ST6GAL1: variants seen among roughly 807,000 people sequenced by gnomAD.
ST6GAL1 encodes ST6 beta-galactoside alpha-2,6-sialyltransferase 1, also known as beta-galactoside alpha-2,6-sialyltransferase 1.
ST6GAL1 carries 20 observed loss-of-function variants against 38.0 expected under a neutral mutation model. That is an observed-to-expected ratio of 0.53 (90% CI 0.37 to 0.77). ST6GAL1 has a LOEUF of 0.77. ST6GAL1 is among the 30% of genes least tolerant of loss of function. The probability of loss-of-function intolerance (pLI) is 0.00; values close to 1 mark genes in which losing one functional copy is unlikely to be tolerated. For missense variants in ST6GAL1, 432 were observed against 496.4 expected (o/e 0.87, Z 1.23); for synonymous variants, 196 against 188.2 (o/e 1.04, Z -0.34).
intron 5 of ST6GAL1, among the ~76,000 whole-genome samples, chr3:187,055,239 CA>C (rs57686263): frequency 0.48 from 70,514 of 145,412 alleles, 17,688 homozygotes; most frequent in African/African-American, 0.66. Flanking sequence ...TTGATCTTTT[CA>C]AAAAAAAAAA....
intron 2 of ST6GAL1, among the ~76,000 whole-genome samples, chr3:186,981,612 T>A (rs1715701587): frequency 6.6e-6 from 1 of 152,232 alleles, no homozygotes; most frequent in Non-Finnish European, 1.5e-5. Context: ...TCTTGTTATC[T>A]CTTATTAGCA....
rs188898319 is a variant in ST6GAL1 at position 187,067,243 on chromosome 3, C to T, written c.706-5606C>T. ...CTGAGATTTCAGGTGCCCGCCACCA[C>T]GCCTGGCTAATTTTTGTATTTTTAG... On this transcript the variant is annotated intron_variant, in intron 5 of 7. Coordinates refer to ENST00000169298, the MANE Select transcript of ST6GAL1 (RefSeq NM_173216.2). Among the ~76,000 whole-genome samples the T allele has an allele frequency of 3.1e-3, 470 of 151,530 alleles. 1 individual carries two copies. Among genetic ancestry groups the T allele is most frequent in the African/African-American group, 0.01 (414 of 41,342 alleles).
At chr3:186,993,155 G>A (rs183721767) in intron 2 of ST6GAL1, among the ~76,000 whole-genome samples, 158 of 152,302 alleles carry the variant, frequency 1.0e-3, no homozygotes, top group Non-Finnish European at 1.7e-3. Context: ...GCAGGTACTC[G>A]ATAAACACCT....
intron 1 of ST6GAL1, among the ~76,000 whole-genome samples, chr3:186,950,467 G>C (rs1007897585): frequency 7.9e-5 from 12 of 152,236 alleles, no homozygotes; most frequent in Non-Finnish European, 1.8e-4. Context: ...CTGGGCTCCA[G>C]GCTTAGGGCT....
chr3:187,038,676 C>T (rs1469268288), intron 2 of ST6GAL1, 66 bp from the exon 3 acceptor site: 2 of 152,170 alleles, frequency 1.3e-5, no homozygotes, highest in Non-Finnish European at 2.9e-5. Context: ...TAATGTTTAA[C>T]ACTGCCTCTG....
intron 5 of ST6GAL1, among the ~76,000 whole-genome samples, chr3:187,062,089 A>C (rs903667793): frequency 6.6e-6 from 1 of 152,222 alleles, no homozygotes; most frequent in Non-Finnish European, 1.5e-5. Flanking sequence ...TCTCCAAGAT[A>C]TACAAATGGT....
intron 2 of ST6GAL1, among the ~76,000 whole-genome samples, chr3:186,989,625 G>A (rs574209357): frequency 9.2e-5 from 14 of 152,352 alleles, no homozygotes; most frequent in South Asian, 6.2e-4. Flanking sequence ...TGGCAGGCTA[G>A]TGGGAGCTGG....
chr3:187,054,525 T>G (rs1718623784), intron 5 of ST6GAL1, among the ~76,000 whole-genome samples: 2 of 152,334 alleles, frequency 1.3e-5, no homozygotes, highest in South Asian at 4.1e-4. Flanking sequence ...TTGTATTTTG[T>G]TGAAGGTCTT....
At position 186,960,336 on chromosome 3, in the gene ST6GAL1, T is replaced by G. The variant is rs138185766; in HGVS notation, c.-324-3449T>G. 1.0e-3 allele frequency among the ~76,000 whole-genome samples: 158 copies of G among 152,206 alleles called. 3 individuals are homozygous for G. The highest frequency in any genetic ancestry group is 1.2e-3 in the Non-Finnish European group (84 of 67,996). On this transcript the variant is annotated intron_variant, in intron 1 of 7. Transcript: ENST00000169298. ...CAGGGGCTCTAGAGTTGGGGGACAG[T>G]GCAGTAAGGGCTGCCCCAAGAGATA...
intron 1 of ST6GAL1, among the ~76,000 whole-genome samples, chr3:186,950,544 G>A (rs1714541253): frequency 1.3e-5 from 2 of 152,228 alleles, no homozygotes; most frequent in South Asian, 4.1e-4. Context: ...CAAAGGCAGA[G>A]CTCACTAAAG....
At chr3:186,967,234 C>T (rs1305164220) in intron 2 of ST6GAL1, among the ~76,000 whole-genome samples, 1 of 152,202 alleles carries the variant, frequency 6.6e-6, no homozygotes, top group Admixed American at 6.5e-5. Context: ...CTCTGTTGCC[C>T]AGGCTGGAGT....
chr3:187,011,008 C>G (rs2108558620), intron 2 of ST6GAL1, among the ~76,000 whole-genome samples: 1 of 152,294 alleles, frequency 6.6e-6, no homozygotes, highest in East Asian at 1.9e-4. Flanking sequence ...TGGCCGCCGG[C>G]TAAATAAACA....
intron 5 of ST6GAL1, among the ~76,000 whole-genome samples, chr3:187,054,949 C>G (rs1308720805): frequency 6.6e-6 from 1 of 152,066 alleles, no homozygotes; most frequent in Non-Finnish European, 1.5e-5. Context: ...GTTGGTTAGG[C>G]TATTAGTTAT....
In ST6GAL1 at chr3:186,991,926, C is replaced by T. The variant is rs539989253; in HGVS notation, c.-183+28000C>T. ...ATCTGAGGACAGAGGGTAACCTGCC[C>T]GTCATCTCTGGGGTTATCTCCAATT... On this transcript the variant is annotated intron_variant, in intron 2 of 7. Coordinates refer to ENST00000169298, the MANE Select transcript of ST6GAL1 (RefSeq NM_173216.2). 8.0e-4 allele frequency among the ~76,000 whole-genome samples: 122 copies of T among 152,192 alleles called. No individual in the cohort carries two copies. The Middle Eastern group carries it at 0.01, about 13-fold the overall frequency.
rs1045991137 is a variant in ST6GAL1 at position 186,952,964 on chromosome 3, C to T, written c.-324-10821C>T. Among the ~76,000 whole-genome samples, 2 of 152,236 alleles carry T rather than the reference C, an allele frequency of 1.3e-5. No homozygotes were observed. The highest frequency in any genetic ancestry group is 2.9e-5 in the Non-Finnish European group (2 of 68,044). ...GAGTCATTCTAAATTCTCTTTCTCT[C>T]ATGCTGCACCCACTCTGTTAGCAAA... is the stretch of plus-strand genomic sequence containing the variant. On this transcript the variant is annotated intron_variant, in intron 1 of 7. Coordinates refer to ENST00000169298, the MANE Select transcript of ST6GAL1 (RefSeq NM_173216.2). The surrounding 1 kb of genome is among the most constrained non-coding windows in gnomAD (Gnocchi z 4.1).
chr3:187,047,985 C>T (rs1351365547), intron 4 of ST6GAL1, among the ~76,000 whole-genome samples: 1 of 150,776 alleles, frequency 6.6e-6, no homozygotes, highest in Non-Finnish European at 1.5e-5. Flanking sequence ...CTCTGTTGCC[C>T]AGGCTGGAGT....
At chr3:186,969,797 CGA>C (rs1337827569) in intron 2 of ST6GAL1, among the ~76,000 whole-genome samples, 1 of 152,048 alleles carries the variant, frequency 6.6e-6, no homozygotes, top group African/African-American at 2.4e-5. Flanking sequence ...GTTATCTAGG[CGA>C]GGGAAGGGTA....
chr3:186,996,739 TG>T, intron 2 of ST6GAL1: 1 of 152,276 alleles, frequency 6.6e-6, no homozygotes. Context: ...ATGTTTTCTT[TG>T]CATGACGTGC....
At chr3:187,039,495 G>A (rs1718055057) in intron 3 of ST6GAL1, among the ~76,000 whole-genome samples, 3 of 152,184 alleles carry the variant, frequency 2.0e-5, no homozygotes, top group Non-Finnish European at 4.4e-5. Flanking sequence ...CAGGGATAGT[G>A]CGGAAGGGGA....
Sources: gnomAD v4.1 joint callset for allele counts (sites outside exome capture counted in the v4.1 genomes callset) on GRCh38, gnomAD v4.1.1 for gene constraint, Gnocchi (gnomAD v3.1) non-coding constraint, MANE v1.5 for transcripts, NCBI Gene and HGNC (gene_info 2026-07-23, HGNC 2026-07-21) for gene names.